ASH1L: variants seen among roughly 807,000 people sequenced by gnomAD.
The protein encoded by ASH1L is ASH1 like histone lysine methyltransferase, also known as histone-lysine N-methyltransferase ASH1L.
Under a neutral mutation model 269.0 loss-of-function variants are expected in ASH1L, and 23 were observed. That is an observed-to-expected ratio of 0.09 (90% CI 0.06 to 0.12). The LOEUF (loss-of-function observed/expected upper bound fraction) is 0.12. ASH1L is among the 10% of genes least tolerant of loss of function. The probability of loss-of-function intolerance (pLI) is 1.00; values close to 1 mark genes in which losing one functional copy is unlikely to be tolerated. For missense variants in ASH1L, 2,912 were observed against 3,567.8 expected (o/e 0.82, Z 4.68); for synonymous variants, 1,187 against 1,253.5 (o/e 0.95, Z 1.12).
intron 3 of ASH1L, among the ~76,000 whole-genome samples, chr1:155,465,289 CAAAAAAAAA>C (rs1171228344): frequency 3.2e-5 from 2 of 62,576 alleles, no homozygotes; most frequent in African/African-American, 1.2e-4. Context: ...TACAAATTAG[CAAAAAAAAA>C]AAAAAAAAAA....
At chr1:155,363,467 C>G (rs1281797254) in intron 12 of ASH1L, among the ~76,000 whole-genome samples, 2 of 151,788 alleles carry the variant, frequency 1.3e-5, no homozygotes, top group African/African-American at 4.8e-5. Context: ...TGGTCTCAAA[C>G]TCCTGAGCTC....
intron 7 of ASH1L, among the ~76,000 whole-genome samples, chr1:155,385,054 A>G (rs914994269): frequency 9.5e-6 from 1 of 105,516 alleles, no homozygotes; most frequent in Non-Finnish European, 1.9e-5. Context: ...TGTTAAGTCT[A>G]TCTCTGAATG....
At chr1:155,527,966 C>T (rs569070664) in intron 1 of ASH1L, among the ~76,000 whole-genome samples, 2 of 152,004 alleles carry the variant, frequency 1.3e-5, no homozygotes, top group Admixed American at 6.6e-5. Flanking sequence ...CGGACCTCTT[C>T]CTTTTTCTAT....
intron 2 of ASH1L, among the ~76,000 whole-genome samples, chr1:155,494,758 A>C (rs1031372449): frequency 6.6e-6 from 1 of 152,216 alleles, no homozygotes; most frequent in East Asian, 1.9e-4. Context: ...GAGAAGCCTA[A>C]GAAGAAAGAT....
intron 2 of ASH1L, among the ~76,000 whole-genome samples, chr1:155,505,577 A>G (rs1667762564): frequency 6.6e-6 from 1 of 152,242 alleles, no homozygotes; most frequent in Admixed American, 6.5e-5. Flanking sequence ...AAGGCACACG[A>G]AAGATACAAA....
intron 5 of ASH1L, among the ~76,000 whole-genome samples, chr1:155,418,398 G>A (rs1338066638): frequency 2.0e-5 from 3 of 151,988 alleles, no homozygotes; most frequent in Non-Finnish European, 4.4e-5. Flanking sequence ...CAGCAAATAA[G>A]GCACTGGAGA....
intron 3 of ASH1L, among the ~76,000 whole-genome samples, chr1:155,471,790 G>T (rs1665119441): frequency 3.3e-5 from 5 of 152,262 alleles, no homozygotes; most frequent in Admixed American, 3.3e-4. Context: ...CCAGGCAGAA[G>T]TATGGATGTC....
intron 2 of ASH1L, among the ~76,000 whole-genome samples, chr1:155,486,774 C>T (rs1362922026): frequency 6.6e-6 from 1 of 151,792 alleles, no homozygotes; most frequent in African/African-American, 2.4e-5. Context: ...CATATTTATG[C>T]CTGAAAATGA....
chr1:155,506,022 T>A (rs1667797024), intron 2 of ASH1L, among the ~76,000 whole-genome samples: 1 of 151,484 alleles, frequency 6.6e-6, no homozygotes, highest in South Asian at 2.1e-4. Context: ...CGATGTGTGA[T>A]GTTTCCCACC....
chr1:155,482,731 G>A (rs1165080711), intron 2 of ASH1L, among the ~76,000 whole-genome samples: 1 of 152,090 alleles, frequency 6.6e-6, no homozygotes, highest in Non-Finnish European at 1.5e-5. Context: ...TTTTTTAAAT[G>A]GCAAATCAAT....
chr1:155,436,544 T>A (rs1409470460), intron 5 of ASH1L, among the ~76,000 whole-genome samples: 1 of 134,308 alleles, frequency 7.4e-6, no homozygotes, highest in African/African-American at 2.8e-5. Flanking sequence ...TCACCCAGGC[T>A]GGAGTGCAGT....
chr1:155,361,409 T>TAGGAGC, intron 12 of ASH1L, among the ~76,000 whole-genome samples: 1 of 148,106 alleles, frequency 6.8e-6, no homozygotes, highest in Non-Finnish European at 1.5e-5. Context: ...CCCAGCTACT[T>TAGGAGC]AGGAGGTTGA....
intron 5 of ASH1L, among the ~76,000 whole-genome samples, chr1:155,426,532 GT>G (rs1452641523): frequency 6.6e-6 from 1 of 152,118 alleles, no homozygotes; most frequent in Non-Finnish European, 1.5e-5. Context: ...TAGAGATAGG[GT>G]TTCACCATGT....
chr1:155,518,861 G>GA (rs1176598228), intron 2 of ASH1L, among the ~76,000 whole-genome samples: 2 of 150,966 alleles, frequency 1.3e-5, no homozygotes, highest in East Asian at 3.9e-4. Flanking sequence ...AGGGAGGGAA[G>GA]AAAAATTAAG....
intron 6 of ASH1L, among the ~76,000 whole-genome samples, chr1:155,400,438 T>A (rs959082871): frequency 6.6e-6 from 1 of 152,176 alleles, no homozygotes; most frequent in Non-Finnish European, 1.5e-5. Flanking sequence ...TAAATAATAT[T>A]TTGAATGCCT....
At chr1:155,369,635 A>G (rs1193162392) in intron 12 of ASH1L, among the ~76,000 whole-genome samples, 1 of 152,066 alleles carries the variant, frequency 6.6e-6, no homozygotes, top group East Asian at 1.9e-4. Flanking sequence ...CTCCAGATTC[A>G]CTTTTTTTAT....
At chr1:155,372,327 G>C (rs1201663069) in intron 10 of ASH1L, among the ~76,000 whole-genome samples, 1 of 142,196 alleles carries the variant, frequency 7.0e-6, no homozygotes, top group Non-Finnish European at 1.5e-5. Flanking sequence ...TTATTTTTTT[G>C]AGGCAAAGTC....
intron 1 of ASH1L, among the ~76,000 whole-genome samples, chr1:155,547,118 A>T (rs1558213862): frequency 6.6e-6 from 1 of 150,988 alleles, no homozygotes; most frequent in Non-Finnish European, 1.5e-5. Flanking sequence ...ATGCCCAGCT[A>T]ATTTTTGTAT....
chr1:155,369,135 A>G (rs527925304), intron 12 of ASH1L, among the ~76,000 whole-genome samples: 32 of 152,256 alleles, frequency 2.1e-4, no homozygotes, highest in African/African-American at 7.5e-4. Flanking sequence ...ATTAATGGAA[A>G]TGTACACTTA....
Sources: gnomAD v4.1 joint callset for allele counts (sites outside exome capture counted in the v4.1 genomes callset) on GRCh38, gnomAD v4.1.1 for gene constraint, MANE v1.5 for transcripts, NCBI Gene and HGNC (gene_info 2026-07-23, HGNC 2026-07-21) for gene names.